SMOC2: variants seen among roughly 807,000 people sequenced by gnomAD.
SMOC2 encodes SPARC-related modular calcium-binding protein 2.
Under a neutral mutation model 61.4 loss-of-function variants are expected in SMOC2, and 39 were observed. The ratio of observed to expected loss-of-function variants is 0.64; its 90% CI spans 0.49 to 0.83. The LOEUF is 0.83. Among genes scored for constraint, SMOC2 ranks in the 40% least tolerant of loss-of-function variants. The pLI is 0.00. For synonymous variants in SMOC2, 247 were observed against 239.9 expected (o/e 1.03, Z -0.27); for missense variants, 556 against 592.9 (o/e 0.94, Z 0.65).
intron 7 of SMOC2, among the ~76,000 whole-genome samples, chr6:168,581,432 G>A (rs1784915268): frequency 6.6e-6 from 1 of 152,308 alleles, no homozygotes; most frequent in South Asian, 2.1e-4. Context: ...AGACCTGCTG[G>A]CCAGGGACCT....
intron 12 of SMOC2, 40 bp downstream of exon 12, chr6:168,664,151 T>C: frequency 6.7e-7 from 1 of 1,493,422 alleles, no homozygotes; most frequent in South Asian, 1.1e-5. Context: ...ATTTCGTTTT[T>C]AAATTATAAA....
In SMOC2 at chr6:168,636,923, C is replaced by T. The variant is rs1340125829; in HGVS notation, c.908-13758C>T. Among the ~76,000 whole-genome samples, 3 of 124,824 alleles carry T rather than the reference C, an allele frequency of 2.4e-5. No homozygotes were observed. The East Asian group carries it at 8.3e-4, about 35-fold the overall frequency. The allele number at this position is 124,824 out of a possible 152,430, so 81.9% of individuals were successfully genotyped here. On this transcript the variant is annotated intron_variant, in intron 9 of 12. Coordinates refer to ENST00000356284, the MANE Select transcript of SMOC2 (RefSeq NM_001166412.2). ...CTCCTGCCCGCATCCCTCCTCCCTC[C>T]TCCCCCCTCCCCACCTCCCTCTTCC...
intron 1 of SMOC2, among the ~76,000 whole-genome samples, chr6:168,462,399 G>A (rs547968750): frequency 1.3e-5 from 2 of 152,110 alleles, no homozygotes; most frequent in Non-Finnish European, 2.9e-5. Flanking sequence ...ATCGTTTCCC[G>A]GCATCCTGCT....
At chr6:168,527,850 G>T (rs1783492217) in intron 4 of SMOC2, 123 bp downstream of exon 4, 2 of 701,390 alleles carry the variant, frequency 2.9e-6, no homozygotes, top group Non-Finnish European at 5.0e-6. Flanking sequence ...GGCATTGTGA[G>T]CCACAGTGGG....
At chr6:168,626,403 A>G (rs1351771506) in intron 9 of SMOC2, among the ~76,000 whole-genome samples, 2 of 152,188 alleles carry the variant, frequency 1.3e-5, no homozygotes, top group Admixed American at 6.5e-5. Context: ...CACAGCTCGG[A>G]TTACTTGAGG....
chr6:168,559,957 C>T (rs1784358998), intron 7 of SMOC2, among the ~76,000 whole-genome samples: 1 of 152,214 alleles, frequency 6.6e-6, no homozygotes, highest in African/African-American at 2.4e-5. Context: ...AATGACTGCA[C>T]TGAGAGTTTA....
At chr6:168,556,742 CT>C (rs1474998520) in intron 7 of SMOC2, among the ~76,000 whole-genome samples, 15 of 108,826 alleles carry the variant, frequency 1.4e-4, no homozygotes, top group Admixed American at 7.6e-4. Flanking sequence ...TCCCTCCCCC[CT>C]CCCCCCACCC....
intron 2 of SMOC2, among the ~76,000 whole-genome samples, chr6:168,523,279 G>A (rs1297149722): frequency 4.1e-5 from 6 of 146,784 alleles, no homozygotes; most frequent in Admixed American, 6.9e-5. Context: ...TAGTAGAGAC[G>A]GGGTTTCACC....
intron 7 of SMOC2, among the ~76,000 whole-genome samples, chr6:168,586,111 T>C (rs1271919374): frequency 1.3e-5 from 2 of 152,186 alleles, no homozygotes; most frequent in African/African-American, 2.4e-5. Context: ...TTAGAGTCTT[T>C]ATATTTTTAG....
intron 7 of SMOC2, among the ~76,000 whole-genome samples, chr6:168,565,371 T>C (rs1175757460): frequency 2.6e-5 from 4 of 152,152 alleles, no homozygotes; most frequent in South Asian, 4.2e-4. Flanking sequence ...CTGGCCTCCA[T>C]GTGGTCTTCT....
At chr6:168,558,814 TGTGC>T (rs1162652762) in intron 7 of SMOC2, among the ~76,000 whole-genome samples, 1 of 151,620 alleles carries the variant, frequency 6.6e-6, no homozygotes, top group East Asian at 1.9e-4. Flanking sequence ...CATGTGTGTG[TGTGC>T]GTATGTGCAT....
intron 1 of SMOC2, among the ~76,000 whole-genome samples, chr6:168,487,631 A>G (rs528571767): frequency 2.6e-5 from 4 of 152,030 alleles, no homozygotes; most frequent in African/African-American, 4.8e-5. Flanking sequence ...CAGCCTCCCA[A>G]GTAGCTAGGA....
At chr6:168,486,942 C>T (rs1782352194) in intron 1 of SMOC2, among the ~76,000 whole-genome samples, 1 of 152,114 alleles carries the variant, frequency 6.6e-6, no homozygotes, top group Admixed American at 6.5e-5. Flanking sequence ...GGGCAGCATG[C>T]AGAGAGACAT....
chr6:168,563,447 A>T (rs1784471106), intron 7 of SMOC2, among the ~76,000 whole-genome samples: 1 of 152,178 alleles, frequency 6.6e-6, no homozygotes, highest in Non-Finnish European at 1.5e-5. Flanking sequence ...ATACACAGTC[A>T]TACACACACA....
intron 7 of SMOC2, among the ~76,000 whole-genome samples, chr6:168,580,525 AAC>A (rs1784896393): frequency 6.6e-6 from 1 of 152,138 alleles, no homozygotes; most frequent in Non-Finnish European, 1.5e-5. Flanking sequence ...TCACTGATAA[AAC>A]ACAGGTTTTG....
chr6:168,650,624 G>A (rs1004999568), intron 9 of SMOC2, 57 bp from the exon 10 acceptor site: 1 of 1,512,368 alleles, frequency 6.6e-7, no homozygotes. Context: ...CTGTATTTTA[G>A]AGGAAAATCT....
intron 1 of SMOC2, among the ~76,000 whole-genome samples, chr6:168,448,902 G>T (rs543445232): frequency 6.6e-6 from 1 of 152,254 alleles, no homozygotes; most frequent in Admixed American, 6.5e-5. Context: ...GGGTCCCTGT[G>T]TTGGGCAGAC....
chr6:168,604,879 A>C (rs536434093), intron 8 of SMOC2, among the ~76,000 whole-genome samples: 2 of 152,282 alleles, frequency 1.3e-5, no homozygotes, highest in Admixed American at 1.3e-4. Flanking sequence ...CATCACTTAG[A>C]AGGAGATATG....
intron 7 of SMOC2, among the ~76,000 whole-genome samples, chr6:168,565,702 G>A (rs1344935167): frequency 2.0e-5 from 3 of 152,286 alleles, no homozygotes; most frequent in Admixed American, 2.0e-4. Context: ...TCAGCATGGA[G>A]CTGAAACTGC....
Sources: gnomAD v4.1 joint callset for allele counts (sites outside exome capture counted in the v4.1 genomes callset) on GRCh38, gnomAD v4.1.1 for gene constraint, MANE v1.5 for transcripts, NCBI Gene and HGNC (gene_info 2026-07-23, HGNC 2026-07-21) for gene names.